The following SLC39A11 variants were observed in gnomAD, a reference collection of about 807,000 sequenced individuals.
The protein encoded by SLC39A11 is solute carrier family 39 member 11.
Under a neutral mutation model 36.1 loss-of-function variants are expected in SLC39A11, and 33 were observed. That is an observed-to-expected ratio of 0.91 (90% CI 0.69 to 1.22). SLC39A11 has a LOEUF of 1.22. SLC39A11 is among the 50% of genes most tolerant of loss of function. The pLI is 0.00. For synonymous variants in SLC39A11, 166 were observed against 170.3 expected (o/e 0.97, Z 0.20); for missense variants, 432 against 430.3 (o/e 1.00, Z -0.03).
chr17:72,963,988 CT>C (rs960756328), intron 4 of SLC39A11, among the ~76,000 whole-genome samples: 1 of 152,114 alleles, frequency 6.6e-6, no homozygotes, highest in African/African-American at 2.4e-5. Context: ...AAGTTTTAGT[CT>C]TTTTTTGTGG....
At chr17:72,791,890 A>AC (rs1210016942) in intron 6 of SLC39A11, among the ~76,000 whole-genome samples, 1 of 152,076 alleles carries the variant, frequency 6.6e-6, no homozygotes, top group Non-Finnish European at 1.5e-5. Context: ...GGCCTCCCCA[A>AC]CCCTGCAGAT....
intron 5 of SLC39A11, among the ~76,000 whole-genome samples, chr17:72,889,745 C>T (rs561271623): frequency 6.6e-6 from 1 of 152,282 alleles, no homozygotes; most frequent in Admixed American, 6.5e-5. Flanking sequence ...ATGATACTGT[C>T]ACCAGTAATT....
chr17:72,942,803 C>G (rs572990653), intron 5 of SLC39A11, among the ~76,000 whole-genome samples: 2 of 152,314 alleles, frequency 1.3e-5, no homozygotes, highest in South Asian at 4.1e-4. Context: ...TTGCATCCCA[C>G]ACTGCCTGGC....
At chr17:73,080,490 T>C (rs2060474214) in intron 3 of SLC39A11, among the ~76,000 whole-genome samples, 1 of 152,144 alleles carries the variant, frequency 6.6e-6, no homozygotes. Flanking sequence ...CAACTTAAGA[T>C]GGATCAAAGA....
At chr17:73,087,551 G>T (rs2060774641) in intron 2 of SLC39A11, among the ~76,000 whole-genome samples, 1 of 152,194 alleles carries the variant, frequency 6.6e-6, no homozygotes, top group Non-Finnish European at 1.5e-5. Context: ...GGTGATCTGG[G>T]TTGGAGAAAA....
At chr17:72,760,898 G>A (rs963721044) in intron 6 of SLC39A11, among the ~76,000 whole-genome samples, 1 of 152,110 alleles carries the variant, frequency 6.6e-6, no homozygotes, top group East Asian at 1.9e-4. Flanking sequence ...CAAGGCAGCT[G>A]CTCAACTTCC....
chr17:72,990,029 C>T (rs2089055779), intron 4 of SLC39A11, among the ~76,000 whole-genome samples: 1 of 152,224 alleles, frequency 6.6e-6, no homozygotes, highest in Non-Finnish European at 1.5e-5. Context: ...GCAGATGATG[C>T]TGTAAGTGAC....
chr17:73,068,367 A>T, intron 3 of SLC39A11: 1 of 502,484 alleles, frequency 2.0e-6, no homozygotes, highest in Non-Finnish European at 3.5e-6. Context: ...GTCAAATCTA[A>T]TCCTCATAGA....
At position 72,648,359 on chromosome 17, in the gene SLC39A11, C is replaced by G. The variant is rs1266106115; in HGVS notation, c.929+444G>C. On this transcript the variant is annotated intron_variant, in intron 9 of 9. Transcript: ENST00000255559. ...AAAAAAAAAAAAAAGAAAAACAAAA[C>G]AAAACAAAACAACAACAAAATGGAA... is the stretch of plus-strand genomic sequence containing the variant. Among the ~76,000 whole-genome samples, 3 of 144,434 alleles carry G rather than the reference C, an allele frequency of 2.1e-5. No homozygotes were observed. In the South Asian group the frequency reaches 6.8e-4, roughly 33 times the overall value. 94.8% of individuals were successfully genotyped at this position (144,434 alleles called of 152,430 possible). A position where few individuals can be genotyped will look rare whatever the true frequency, so the allele number is the denominator to read the frequency against.
chr17:72,994,254 A>T (rs2089362054), intron 4 of SLC39A11, among the ~76,000 whole-genome samples: 1 of 152,234 alleles, frequency 6.6e-6, no homozygotes, highest in South Asian at 2.1e-4. Context: ...AAAGGAATTA[A>T]CAAGAGCTAT....
At chr17:73,005,424 C>A (rs2090127291) in intron 4 of SLC39A11, among the ~76,000 whole-genome samples, 1 of 152,236 alleles carries the variant, frequency 6.6e-6, no homozygotes, top group South Asian at 2.1e-4. Flanking sequence ...GACTGTGTGT[C>A]TGATACTCTC....
intron 5 of SLC39A11, among the ~76,000 whole-genome samples, chr17:72,916,139 A>C (rs2083317215): frequency 6.6e-6 from 1 of 152,192 alleles, no homozygotes; most frequent in South Asian, 2.1e-4. Flanking sequence ...TAATCTCAGC[A>C]CTGCATTCAC....
chr17:72,953,854 A>G (rs1335685163), intron 4 of SLC39A11, among the ~76,000 whole-genome samples: 1 of 152,128 alleles, frequency 6.6e-6, no homozygotes, highest in Non-Finnish European at 1.5e-5. Context: ...TGGCAAAACA[A>G]AGCAACCTGT....
At chr17:72,936,273 C>T (rs76952570) in intron 5 of SLC39A11, among the ~76,000 whole-genome samples, 3,522 of 151,862 alleles carry the variant, frequency 0.023, 134 homozygotes, top group African/African-American at 0.08. Context: ...GTTTTTGAGA[C>T]CAAGTTGCAC....
At chr17:72,738,230 T>C (rs1055425026) in intron 6 of SLC39A11, among the ~76,000 whole-genome samples, 3 of 152,116 alleles carry the variant, frequency 2.0e-5, no homozygotes, top group Non-Finnish European at 4.4e-5. Flanking sequence ...GGTCTCGATC[T>C]CCCGACCTCG....
At chr17:72,818,461 C>T (rs889736026) in intron 6 of SLC39A11, among the ~76,000 whole-genome samples, 1 of 152,186 alleles carries the variant, frequency 6.6e-6, no homozygotes, top group African/African-American at 2.4e-5. Flanking sequence ...GGCTTAGACT[C>T]GCAGGCTACC....
chr17:72,853,266 G>A (rs984663407), intron 5 of SLC39A11, among the ~76,000 whole-genome samples: 6 of 150,398 alleles, frequency 4.0e-5, no homozygotes, highest in East Asian at 2.0e-4. Flanking sequence ...GGACTCAAGC[G>A]ATCCACCTGC....
chr17:72,871,028 GTTT>G (rs996885896), intron 5 of SLC39A11, among the ~76,000 whole-genome samples: 1 of 145,732 alleles, frequency 6.9e-6, no homozygotes, highest in Non-Finnish European at 1.5e-5. Flanking sequence ...CTGGTTTTTG[GTTT>G]TTTTTGTTTG....
chr17:73,040,982 C>G (rs943157941), intron 3 of SLC39A11, among the ~76,000 whole-genome samples: 2 of 45,958 alleles, frequency 4.4e-5, no homozygotes, highest in Admixed American at 2.9e-4. Flanking sequence ...CAGACTCCAT[C>G]TCAAAAAAAA....
Sources: allele counts gnomAD v4.1 joint callset (sites outside exome capture counted in the v4.1 genomes callset), GRCh38; gene constraint gnomAD v4.1.1; transcripts MANE v1.5; gene names NCBI Gene and HGNC (gene_info 2026-07-23, HGNC 2026-07-21).